The following NAPA variants were observed in gnomAD, a reference collection of about 807,000 sequenced individuals.
NAPA encodes alpha-soluble NSF attachment protein.
A neutral mutation model predicts 48.0 loss-of-function variants in NAPA; 18 were observed. The observed-to-expected ratio is 0.38, with a 90% confidence interval of 0.26 to 0.56. NAPA has a LOEUF of 0.56. Ranked by LOEUF, NAPA falls within the 20% of genes least tolerant of loss-of-function variation. The probability of loss-of-function intolerance (pLI) is 0.77; values close to 1 mark genes in which losing one functional copy is unlikely to be tolerated. For synonymous variants in NAPA, 152 were observed against 149.9 expected (o/e 1.01, Z -0.10); for missense variants, 315 against 385.0 (o/e 0.82, Z 1.52).
intron 2 of NAPA, 77 bp from the exon 3 acceptor site, chr19:47,500,826 G>A: frequency 8.6e-7 from 1 of 1,166,154 alleles, no homozygotes; most frequent in Non-Finnish European, 1.2e-6. Flanking sequence ...ACTGCCCTGG[G>A]AGGTGGGTCG....
chr19:47,492,684 C>T, intron 7 of NAPA: 1 of 583,732 alleles, frequency 1.7e-6, no homozygotes, highest in South Asian at 1.7e-5. Flanking sequence ...GTTCTTTAGC[C>T]AGCCTCACTC....
chr19:47,484,702 C>G (rs984581204), downstream of NAPA, among the ~76,000 whole-genome samples: 1 of 148,338 alleles, frequency 6.7e-6, no homozygotes, highest in African/African-American at 2.5e-5. Context: ...CTCCACAGTT[C>G]ACTATTTTTT....
At chr19:47,507,056 C>G (rs1968706745) in intron 1 of NAPA, 3 of 152,346 alleles carry the variant, frequency 2.0e-5, no homozygotes, top group Admixed American at 2.0e-4. Context: ...TGGGCCTCCT[C>G]TCCTGAGGGC....
At position 47,514,952 on chromosome 19, in the gene NAPA, AG is replaced by A; in HGVS notation, c.-13del. ...CCGGAATTGTCCATGGCGGCCACAAAGGGACTCAGCAAAGCGCCTGACCCTG... is the reference window on the plus strand; with the variant it reads ...CCGGAATTGTCCATGGCGGCCACAAAGGACTCAGCAAAGCGCCTGACCCTG... On this transcript the variant is annotated 5_prime_UTR_variant, in exon 1 of 11. Coordinates refer to ENST00000263354, the MANE Select transcript of NAPA (RefSeq NM_003827.4). 3 of 1,613,294 alleles carry A rather than the reference AG, an allele frequency of 1.9e-6. No homozygotes were observed. The highest frequency in any genetic ancestry group is 2.5e-6 in the Non-Finnish European group (3 of 1,179,676).
At chr19:47,507,785 C>T (rs916521582) in intron 1 of NAPA, among the ~76,000 whole-genome samples, 2 of 152,204 alleles carry the variant, frequency 1.3e-5, no homozygotes, top group African/African-American at 2.4e-5. Context: ...CAGCTCCTCA[C>T]GAGAGCCCTT....
chr19:47,490,893 A>G, intron 8 of NAPA, 37 bp from the exon 9 acceptor site: 2 of 1,593,334 alleles, frequency 1.3e-6, no homozygotes, highest in Non-Finnish European at 1.7e-6. Flanking sequence ...AGTTAGTAAC[A>G]AGAGGGTCCT....
chr19:47,496,715 C>T (rs1403544242), intron 3 of NAPA: 5 of 321,464 alleles, frequency 1.6e-5, no homozygotes, highest in African/African-American at 6.6e-5. Flanking sequence ...AAGGGGCTCA[C>T]GGTCTGGATG....
chr19:47,493,186 C>CG lies in NAPA; in HGVS notation c.421-13dup. 1 of 1,577,158 alleles carries CG rather than the reference C, an allele frequency of 6.3e-7. No homozygotes were observed. The highest frequency in any genetic ancestry group is 8.6e-7 in the Non-Finnish European group (1 of 1,158,394). On this transcript the variant is annotated splice_polypyrimidine_tract_variant and intron_variant, in intron 5 of 10. Coordinates refer to ENST00000263354, the MANE Select transcript of NAPA (RefSeq NM_003827.4). The surrounding 1 kb of genome is among the most constrained non-coding windows in gnomAD (Gnocchi z 6.4). Reference sequence around the variant, plus strand: ...TAGTGGGCAATGGCCTGGGGAGACACGGGGGATGGGTTCCAGGGGAGGGCA... The same window carrying CG: ...TAGTGGGCAATGGCCTGGGGAGACACGGGGGGATGGGTTCCAGGGGAGGGCA...
intron 1 of NAPA, among the ~76,000 whole-genome samples, chr19:47,510,657 T>C (rs527954229): frequency 1.3e-5 from 2 of 152,278 alleles, no homozygotes; most frequent in Admixed American, 1.3e-4. Context: ...ACATCAGGGA[T>C]GAGGAAAAGC....
intron 1 of NAPA, among the ~76,000 whole-genome samples, chr19:47,509,231 G>A (rs1298435823): frequency 2.0e-5 from 3 of 150,920 alleles, no homozygotes; most frequent in Non-Finnish European, 2.9e-5. Flanking sequence ...AGAGAAATAC[G>A]CTCAAAGGGG....
Position 47,500,203 on chromosome 19 carries a change from T to C in NAPA, c.295+430A>G, listed in dbSNP as rs139114144. 3.9e-3 allele frequency among the ~76,000 whole-genome samples: 595 copies of C among 152,302 alleles called. 5 individuals are homozygous for C. Among genetic ancestry groups the C allele is most frequent in the African/African-American group, 0.014 (577 of 41,562 alleles). ...ATGTAGGGAAGCCAGGTTGGGCTAA[T>C]TTCCGCTCCTTTTTCGGCAGCAACT... is the stretch of plus-strand genomic sequence containing the variant. On this transcript the variant is annotated intron_variant, in intron 3 of 10. Transcript: ENST00000263354.
In NAPA at chr19:47,514,826, C is replaced by A. The variant is rs760412826; in HGVS notation, c.98+17G>T. The A allele has an allele frequency of 1.9e-6, 3 of 1,611,816 alleles. No homozygotes were observed. In the Admixed American group the frequency reaches 5.0e-5, roughly 27 times the overall value. On this transcript the variant is annotated intron_variant, in intron 1 of 10. Coordinates refer to ENST00000263354, the MANE Select transcript of NAPA (RefSeq NM_003827.4). ...TCTCAGCCTAGGTCCCGGCCGACCC[C>A]TCAGCCCGGTTCTCACCCAAAGAGG... is the stretch of plus-strand genomic sequence containing the variant.
intron 1 of NAPA, chr19:47,505,252 G>A (rs1344706446): frequency 6.6e-6 from 1 of 152,192 alleles, no homozygotes; most frequent in Non-Finnish European, 1.5e-5. Context: ...TTAAGGAAGA[G>A]AAAAGGGAGG....
intron 3 of NAPA, 77 bp from the exon 4 acceptor site, chr19:47,495,673 G>A (rs1968404513): frequency 9.8e-6 from 14 of 1,426,128 alleles, no homozygotes; most frequent in South Asian, 2.3e-5. Context: ...GGAGGCGGAC[G>A]CAGGCGCACC....
Position 47,489,694 on chromosome 19 carries a change from C to T in NAPA, c.786+17G>A. The T allele has an allele frequency of 6.2e-7, 1 of 1,613,860 alleles. No individual in the cohort carries two copies. The highest frequency in any genetic ancestry group is 8.5e-7 in the Non-Finnish European group (1 of 1,179,880). On this transcript the variant is annotated intron_variant, in intron 10 of 10. Coordinates refer to ENST00000263354, the MANE Select transcript of NAPA (RefSeq NM_003827.4). ...CATCCCCGTGAAGGGGCCTGGCCCC[C>T]CATGCTGGCCACTCACCGACTCGGT...
intron 2 of NAPA, 84 bp downstream of exon 2, chr19:47,503,339 G>T: frequency 7.6e-7 from 1 of 1,313,320 alleles, no homozygotes; most frequent in Non-Finnish European, 1.1e-6. Context: ...GGCCCTCAAG[G>T]CCAACCTCTC....
chr19:47,514,856 A>G lies in NAPA; in HGVS notation c.85T>C (p.Ser29Pro). 1.2e-6 allele frequency: 2 copies of G among 1,613,908 alleles called. No homozygotes were observed. The highest frequency in any genetic ancestry group is 2.2e-5 in the South Asian group (2 of 91,070). Residue 29 changes from serine to proline, a missense_variant, in exon 1 of 11, where the codon TCT becomes CCT. Physicochemically the swap from Ser to Pro is moderately conservative, Grantham distance 74. This residue lies in a region of NAPA where 173 missense variants were observed against 213.5 expected (regional missense o/e 0.81). Coordinates refer to ENST00000263354, the MANE Select transcript of NAPA (RefSeq NM_003827.4). ...CCCGGTTCTCACCCAAAGAGGCCAG[A>G]GAAGAAGGACTGCGAGTTCTTCACT... ...RKVKNSQSFF[S>P]GLFGGSSKIE...
rs538343766 is a variant in NAPA at position 47,503,154 on chromosome 19, CTAAG to C, written c.178+265_178+268del. Among the ~76,000 whole-genome samples the C allele has an allele frequency of 3.2e-4, 48 of 152,374 alleles. 1 individual carries two copies. Among genetic ancestry groups the C allele is most frequent in the Admixed American group, 9.8e-4 (15 of 15,306 alleles). ...TGAAGTTCTGAATTTAAGGAGGACT[CTAAG>C]AGCTCATCAATCCACATGGGTTTAT... On this transcript the variant is annotated intron_variant, in intron 2 of 10. Coordinates refer to ENST00000263354, the MANE Select transcript of NAPA (RefSeq NM_003827.4).
intron 4 of NAPA, among the ~76,000 whole-genome samples, chr19:47,494,388 G>A (rs548602795): frequency 2.6e-5 from 4 of 152,126 alleles, no homozygotes; most frequent in Non-Finnish European, 5.9e-5. Flanking sequence ...CAAGGGGTAG[G>A]GCTCGTGTCC....
Sources: allele counts gnomAD v4.1 joint callset (sites outside exome capture counted in the v4.1 genomes callset), GRCh38; gene constraint gnomAD v4.1.1; regional missense constraint gnomAD v4.1.1; non-coding constraint Gnocchi (gnomAD v3.1); transcripts MANE v1.5; gene names NCBI Gene and HGNC (gene_info 2026-07-23, HGNC 2026-07-21).